Variants in DMXL2 observed in about 807,000 individuals in gnomAD.
DMXL2 encodes Dmx like 2, also known as dmX-like protein 2.
A neutral mutation model predicts 331.1 loss-of-function variants in DMXL2; 103 were observed. That is an observed-to-expected ratio of 0.31 (90% CI 0.27 to 0.37). The LOEUF is 0.37. DMXL2 is among the 10% of genes least tolerant of loss of function. The pLI is 1.00. For synonymous variants in DMXL2, 1,281 were observed against 1,252.1 expected, an observed-to-expected ratio of 1.02 and a Z score of -0.49; for missense variants, 3,171 against 3,642.9, an observed-to-expected ratio of 0.87 and a Z score of 3.33.
chr15:51,575,051 A>C (rs1383642973), intron 2 of DMXL2, among the ~76,000 whole-genome samples: 1 of 152,164 alleles, frequency 6.6e-6, no homozygotes, highest in Non-Finnish European at 1.5e-5. Flanking sequence ...CCTGGGGGGA[A>C]AAATTAGAAA....
chr15:51,546,265 G>T (rs560376751), intron 7 of DMXL2, among the ~76,000 whole-genome samples: 1 of 151,976 alleles, frequency 6.6e-6, no homozygotes, highest in South Asian at 2.1e-4. Context: ...AGCAAAAACG[G>T]CATGGCATGG....
intron 25 of DMXL2, 144 bp from the exon 26 acceptor site, chr15:51,478,491 A>T: frequency 1.5e-6 from 1 of 663,854 alleles, no homozygotes; most frequent in Non-Finnish European, 2.6e-6. Flanking sequence ...TCTGCTTTAA[A>T]TCTTCTAAAG....
intron 1 of DMXL2, among the ~76,000 whole-genome samples, chr15:51,598,200 A>G (rs546035486): frequency 6.6e-6 from 1 of 152,318 alleles, no homozygotes; most frequent in South Asian, 2.1e-4. Context: ...TTTCAGGCTT[A>G]CAAAAAGTTG....
At chr15:51,476,788 T>C in intron 26 of DMXL2, 69 bp from the exon 27 acceptor site, 1 of 1,352,548 alleles carries the variant, frequency 7.4e-7, no homozygotes, top group Non-Finnish European at 9.9e-7. Context: ...ATGTATATCA[T>C]CTATTTTAGA....
At chr15:51,453,687 A>T (rs1370770802) in intron 40 of DMXL2, 46 bp from the exon 41 acceptor site, 1 of 1,498,236 alleles carries the variant, frequency 6.7e-7, no homozygotes, top group African/African-American at 1.4e-5. Flanking sequence ...CATTGGATAA[A>T]ATTTGATACA....
chr15:51,457,563 AT>A (rs1566977264), intron 36 of DMXL2, 97 bp from the exon 37 acceptor site: 1 of 1,408,664 alleles, frequency 7.1e-7, no homozygotes, highest in Middle Eastern at 2.0e-4. Flanking sequence ...GACAATCTTT[AT>A]TTTAAAAACT....
chr15:51,462,548 G>A (rs1382239992), intron 33 of DMXL2, among the ~76,000 whole-genome samples: 2 of 152,052 alleles, frequency 1.3e-5, no homozygotes, highest in Non-Finnish European at 2.9e-5. Flanking sequence ...TGTTGGTCAG[G>A]CTGGTCATGA....
At chr15:51,571,672 C>T (rs1287993764) in intron 2 of DMXL2, among the ~76,000 whole-genome samples, 1 of 152,186 alleles carries the variant, frequency 6.6e-6, no homozygotes, top group African/African-American at 2.4e-5. Context: ...GAACAACCTG[C>T]TCCTGAATGA....
intron 1 of DMXL2, among the ~76,000 whole-genome samples, chr15:51,599,824 C>T (rs1432245369): frequency 6.6e-6 from 1 of 152,168 alleles, no homozygotes; most frequent in African/African-American, 2.4e-5. Context: ...CTCAGCCTCC[C>T]AAGTAGCTGG....
intron 25 of DMXL2, 115 bp downstream of exon 25, chr15:51,479,833 G>A (rs1244372881): frequency 4.3e-6 from 3 of 703,040 alleles, no homozygotes; most frequent in Non-Finnish European, 4.2e-6. Flanking sequence ...AACTGATCAT[G>A]AGTGAGAAAG....
At chr15:51,530,740 G>C (rs2047954095) in intron 13 of DMXL2, among the ~76,000 whole-genome samples, 1 of 152,124 alleles carries the variant, frequency 6.6e-6, no homozygotes, top group East Asian at 1.9e-4. Flanking sequence ...GGGTGACAGA[G>C]ACTCCGTCTC....
At chr15:51,458,416 T>C in intron 36 of DMXL2, 90 bp downstream of exon 36, 1 of 1,404,900 alleles carries the variant, frequency 7.1e-7, no homozygotes, top group Middle Eastern at 2.6e-4. Flanking sequence ...GATACACGTA[T>C]ACCTTTTGAA....
At chr15:51,568,220 C>G (rs747765741) in intron 3 of DMXL2, 41 of 308,552 alleles carry the variant, frequency 1.3e-4, no homozygotes, top group Non-Finnish European at 2.2e-4. Flanking sequence ...GTAATCCAGA[C>G]AAGAAATAAC....
intron 25 of DMXL2, among the ~76,000 whole-genome samples, 178 bp from the exon 26 acceptor site, chr15:51,478,525 C>A (rs769732991): frequency 3.9e-5 from 6 of 152,142 alleles, no homozygotes; most frequent in Non-Finnish European, 7.4e-5. Context: ...CCTTTATACA[C>A]ATGCCACAAT....
chr15:51,621,981 G>T (rs917892727), intron 1 of DMXL2, among the ~76,000 whole-genome samples: 3 of 152,132 alleles, frequency 2.0e-5, no homozygotes, highest in African/African-American at 7.2e-5. Context: ...CGCTGCCCTA[G>T]CACAGCGGGC....
intron 13 of DMXL2, among the ~76,000 whole-genome samples, chr15:51,519,469 T>A (rs2047217775): frequency 6.6e-6 from 1 of 151,998 alleles, no homozygotes; most frequent in Non-Finnish European, 1.5e-5. Context: ...GCTAAAAAAT[T>A]GAAAAGTAGG....
In DMXL2 at chr15:51,503,045, A is replaced by C. The variant is rs999674684; in HGVS notation, c.2765-12T>G. 10 of 1,530,286 alleles carry C rather than the reference A, an allele frequency of 6.5e-6. No individual in the cohort carries two copies. In the Admixed American group the frequency reaches 1.6e-4, roughly 25 times the overall value. The allele number at this position is 1,530,286 out of a possible 1,614,324, so 94.8% of individuals were successfully genotyped here. A position where few individuals can be genotyped will look rare whatever the true frequency, so the allele number is the denominator to read the frequency against. ...TTCTGAAGCTTTAGCTTTAAAAATAAATTATAAAATTACAAAATGTATGTA... is the reference window on the plus strand; with the variant it reads ...TTCTGAAGCTTTAGCTTTAAAAATACATTATAAAATTACAAAATGTATGTA... On this transcript the variant is annotated splice_polypyrimidine_tract_variant and intron_variant, in intron 16 of 43. Transcript: ENST00000560891.
At chr15:51,455,517 A>T (rs2039547403) in intron 39 of DMXL2, among the ~76,000 whole-genome samples, 1 of 152,132 alleles carries the variant, frequency 6.6e-6, no homozygotes, top group Non-Finnish European at 1.5e-5. Flanking sequence ...TCCAGCCTCA[A>T]CCTTCTGAGT....
At chr15:51,473,302 G>A (rs2041289704) in intron 28 of DMXL2, among the ~76,000 whole-genome samples, 1 of 152,110 alleles carries the variant, frequency 6.6e-6, no homozygotes, top group Non-Finnish European at 1.5e-5. Context: ...GGTGTTAAGT[G>A]AATAAATTAA....
Sources: gnomAD v4.1 joint callset for allele counts (sites outside exome capture counted in the v4.1 genomes callset) on GRCh38, gnomAD v4.1.1 for gene constraint, MANE v1.5 for transcripts, NCBI Gene and HGNC (gene_info 2026-07-23, HGNC 2026-07-21) for gene names.